SRP68: variants seen among roughly 807,000 people sequenced by gnomAD.
SRP68 encodes signal recognition particle 68.
SRP68 carries 15 observed loss-of-function variants against 82.2 expected under a neutral mutation model. That is an observed-to-expected ratio of 0.18 (90% CI 0.12 to 0.28). The LOEUF (loss-of-function observed/expected upper bound fraction) is 0.28. SRP68 is among the 10% of genes least tolerant of loss of function. The probability of loss-of-function intolerance (pLI) is 1.00; values close to 1 mark genes in which losing one functional copy is unlikely to be tolerated. For missense variants in SRP68, 595 were observed against 780.5 expected (o/e 0.76, Z 2.83); for synonymous variants, 261 against 292.6 (o/e 0.89, Z 1.10).
In SRP68 at chr17:76,040,464, G is replaced by A. The variant is rs144257565; in HGVS notation, c.1611C>T (p.Asp537=). 83 of 1,613,918 alleles carry A rather than the reference G, an allele frequency of 5.1e-5. No individual in the cohort carries two copies. The highest frequency in any genetic ancestry group is 1.6e-4 in the Middle Eastern group (1 of 6,084). Reference sequence around the variant, plus strand: ...AGGAGGAGGTCTCTGTTTGATGAGCGTCGTTTGCATCTGAAAGTTTCACAG... The same window carrying A: ...AGGAGGAGGTCTCTGTTTGATGAGCATCGTTTGCATCTGAAAGTTTCACAG... ...LQAAAILDAN[D]AHQTETSSSQ... is the part of the protein sequence containing the mutation. Residue 537 remains aspartate (D), a synonymous_variant, in exon 15 of 16, where the codon GAC becomes GAT. Coordinates refer to ENST00000307877, the MANE Select transcript of SRP68 (RefSeq NM_014230.4).
At chr17:76,059,848 G>A (rs1255229101) in intron 7 of SRP68, among the ~76,000 whole-genome samples, 6 of 150,472 alleles carry the variant, frequency 4.0e-5, no homozygotes, top group South Asian at 2.1e-4. Flanking sequence ...TTTTTGGGCC[G>A]GGCGCGGTGG....
At chr17:76,051,492 G>A (rs957890861) in intron 8 of SRP68, among the ~76,000 whole-genome samples, 13 of 152,252 alleles carry the variant, frequency 8.5e-5, no homozygotes, top group East Asian at 7.7e-4. Flanking sequence ...AAGCTCAAAC[G>A]AAAACCCAGT....
At position 76,039,713 on chromosome 17, in the gene SRP68, C is replaced by T; in HGVS notation, c.1877G>A (p.Arg626Lys). 6.2e-7 allele frequency: 1 copy of T among 1,612,182 alleles called. No individual in the cohort carries two copies. The highest frequency in any genetic ancestry group is 2.2e-5 in the East Asian group (1 of 44,810). ...TGYIKGIFGF[R>K]S is the part of the protein sequence containing the mutation. ...CCCCGAGGAAGAGCCTGGTTAGCTCCTGAATCCAAAGATGCCCTTGATGTA... is the reference window on the plus strand; with the variant it reads ...CCCCGAGGAAGAGCCTGGTTAGCTCTTGAATCCAAAGATGCCCTTGATGTA... The change falls in exon 16 of 16, where the codon AGG (arginine) becomes AAG (lysine). Residue 626 changes from arginine (R) to lysine (K), a missense_variant. Transcript: ENST00000307877.
At chr17:76,058,159 T>C in intron 7 of SRP68, among the ~76,000 whole-genome samples, 1 of 151,042 alleles carries the variant, frequency 6.6e-6, no homozygotes, top group East Asian at 1.9e-4. Flanking sequence ...AAAAAAAATT[T>C]TTTTTTTTTT....
At chr17:76,047,788 C>A (rs1379336953) in intron 10 of SRP68, 118 bp downstream of exon 10, 133 of 349,066 alleles carry the variant, frequency 3.8e-4, no homozygotes, top group African/African-American at 1.6e-3. Context: ...GATCCTGTCT[C>A]AAAAAAAAAA....
At chr17:76,058,434 T>C (rs988783224) in intron 7 of SRP68, among the ~76,000 whole-genome samples, 1 of 152,064 alleles carries the variant, frequency 6.6e-6, no homozygotes, top group Non-Finnish European at 1.5e-5. Context: ...GAAAAAAATT[T>C]TTTTTGTAGA....
At position 76,047,947 on chromosome 17, in the gene SRP68, T is replaced by A. The variant is rs775769675; in HGVS notation, c.1101A>T (p.Glu367Asp). The A allele has an allele frequency of 2.5e-6, 4 of 1,579,122 alleles. No individual in the cohort carries two copies. Among genetic ancestry groups the A allele is most frequent in the Non-Finnish European group, 3.4e-6 (4 of 1,159,934 alleles). Residue 367 changes from glutamate (E) to aspartate (D), a missense_variant, in exon 10 of 16, where the codon GAA (glutamate) becomes GAT (aspartate). Physicochemically the swap from Glu to Asp is conservative, Grantham distance 45. This residue lies in a region of SRP68 where 495 missense variants were observed against 688.6 expected (regional missense o/e 0.72). Transcript: ENST00000307877. ...GATTAGACACCTTCCCTGGCTCTCCTTCAAGGATATAATCTCTCTGTTTCT... is the reference window on the plus strand; with the variant it reads ...GATTAGACACCTTCCCTGGCTCTCCATCAAGGATATAATCTCTCTGTTTCT... ...PDQKQRDYILEGEPGKVSNLQ... is the reference protein window; with the variant it reads ...PDQKQRDYILDGEPGKVSNLQ...
chr17:76,059,248 AAAT>A (rs1267748048), intron 7 of SRP68, among the ~76,000 whole-genome samples: 2 of 152,160 alleles, frequency 1.3e-5, no homozygotes, highest in South Asian at 2.1e-4. Context: ...CTGTTCAAAA[AAAT>A]AATAATAAGT....
intron 1 of SRP68, among the ~76,000 whole-genome samples, chr17:76,070,844 G>GCA (rs1555630299): frequency 2.1e-5 from 2 of 93,208 alleles, no homozygotes; most frequent in Admixed American, 2.4e-4. Flanking sequence ...AGTCACACAT[G>GCA]CACATGCACA....
At position 76,048,893 on chromosome 17, in the gene SRP68, C is replaced by G. The variant is rs571202643; in HGVS notation, c.1078-923G>C. The G allele has an allele frequency of 1.2e-3, 188 of 152,354 alleles. 1 individual carries two copies. Among genetic ancestry groups the G allele is most frequent in the African/African-American group, 4.3e-3 (177 of 41,566 alleles). 9.4% of individuals were successfully genotyped at this position (152,354 alleles called of 1,614,324 possible). On this transcript the variant is annotated intron_variant, in intron 9 of 15. Transcript: ENST00000307877. Reference sequence around the variant, plus strand: ...TGAATGACAGTGACAGGGGCTGGGACTCTGTAGGCACCTCTGTTAAGTCGA... The same window carrying G: ...TGAATGACAGTGACAGGGGCTGGGAGTCTGTAGGCACCTCTGTTAAGTCGA...
intron 11 of SRP68, among the ~76,000 whole-genome samples, 168 bp downstream of exon 11, chr17:76,045,870 G>A (rs2066626199): frequency 6.6e-6 from 1 of 152,180 alleles, no homozygotes; most frequent in South Asian, 2.1e-4. Context: ...ATGTCTGAGA[G>A]GTAGGGGCTC....
At chr17:76,041,015 G>A (rs1261889048) in intron 13 of SRP68, 37 bp from the exon 14 acceptor site, 2 of 1,588,554 alleles carry the variant, frequency 1.3e-6, no homozygotes, top group East Asian at 4.5e-5. Context: ...CCGAGCCAGG[G>A]CCAGGTCAGA....
intron 8 of SRP68, among the ~76,000 whole-genome samples, chr17:76,051,597 A>C (rs1306029570): frequency 2.0e-5 from 3 of 152,218 alleles, no homozygotes; most frequent in Non-Finnish European, 4.4e-5. Context: ...AAGTTCTCTT[A>C]AGAATCTATT....
intron 5 of SRP68, 128 bp downstream of exon 5, chr17:76,061,364 C>A: frequency 1.0e-6 from 1 of 972,940 alleles, no homozygotes; most frequent in East Asian, 2.5e-5. Flanking sequence ...GAAAGAGAAT[C>A]ATCAACATTT....
Position 76,060,294 on chromosome 17 carries a change from ACATACT to A in SRP68, c.837+8_837+13del. 6.3e-7 allele frequency: 1 copy of A among 1,593,860 alleles called. No homozygotes were observed. The highest frequency in any genetic ancestry group is 2.2e-5 in the East Asian group (1 of 44,706). Reference sequence around the variant, plus strand: ...GTCCAAAGACTTTTCACAAAAATGTACATACTAGATTACCTCCAATTTTTCAGCCAA... The same window carrying A: ...GTCCAAAGACTTTTCACAAAAATGTAAGATTACCTCCAATTTTTCAGCCAA... On this transcript the variant is annotated splice_region_variant and intron_variant, in intron 7 of 15. Coordinates refer to ENST00000307877, the MANE Select transcript of SRP68 (RefSeq NM_014230.4).
At chr17:76,049,829 T>C (rs983640578) in intron 9 of SRP68, among the ~76,000 whole-genome samples, 2 of 152,078 alleles carry the variant, frequency 1.3e-5, no homozygotes, top group Non-Finnish European at 2.9e-5. Flanking sequence ...CATTGCTCAA[T>C]CCCTAGAGGA....
chr17:76,061,290 A>G (rs2066750599), intron 5 of SRP68, 71 bp from the exon 6 acceptor site: 1 of 1,143,892 alleles, frequency 8.7e-7, no homozygotes, highest in East Asian at 2.3e-5. Context: ...CACAGTGACT[A>G]AAAACAAATT....
intron 13 of SRP68, 109 bp from the exon 14 acceptor site, chr17:76,041,087 T>C (rs940614082): frequency 2.1e-5 from 16 of 748,820 alleles, no homozygotes; most frequent in Non-Finnish European, 2.9e-5. Flanking sequence ...GACTTTAGAC[T>C]TTCTAAACGG....
chr17:76,060,012 G>A (rs1279354464), intron 7 of SRP68, among the ~76,000 whole-genome samples: 2 of 147,090 alleles, frequency 1.4e-5, no homozygotes, highest in Non-Finnish European at 3.0e-5. Flanking sequence ...TGTAGTCCCA[G>A]CTACTTGGGA....
Sources: gnomAD v4.1 joint callset for allele counts (sites outside exome capture counted in the v4.1 genomes callset) on GRCh38, gnomAD v4.1.1 for gene constraint, gnomAD v4.1.1 regional missense constraint, MANE v1.5 for transcripts, NCBI Gene and HGNC (gene_info 2026-07-23, HGNC 2026-07-21) for gene names.